FLVCR2: variants seen among roughly 807,000 people sequenced by gnomAD.
FLVCR2 encodes the protein FLVCR choline and putative heme transporter 2.
A neutral mutation model predicts 48.9 loss-of-function variants in FLVCR2; 38 were observed. The ratio of observed to expected loss-of-function variants is 0.78; its 90% confidence interval spans 0.60 to 1.02. FLVCR2 has a LOEUF of 1.02. Among genes scored for constraint, FLVCR2 ranks in the 50% least tolerant of loss-of-function variants. FLVCR2 has a pLI of 0.00. For synonymous variants in FLVCR2, 255 were observed against 257.0 expected (o/e 0.99, Z 0.07); for missense variants, 664 against 663.3 (o/e 1.00, Z -0.01).
intron 2 of FLVCR2, among the ~76,000 whole-genome samples, chr14:75,622,911 T>G (rs557506668): frequency 1.3e-5 from 2 of 152,336 alleles, no homozygotes; most frequent in African/African-American, 4.8e-5. Flanking sequence ...GACCATTAAC[T>G]TGTCATTGTA....
intron 3 of FLVCR2, among the ~76,000 whole-genome samples, chr14:75,629,362 G>A (rs1468692598): frequency 6.6e-6 from 1 of 152,034 alleles, no homozygotes; most frequent in Non-Finnish European, 1.5e-5. Context: ...GAGGTGCAGG[G>A]GTGGAGCTCG....
chr14:75,587,482 C>G (rs1267198134), intron 1 of FLVCR2, among the ~76,000 whole-genome samples: 1 of 152,144 alleles, frequency 6.6e-6, no homozygotes, highest in Non-Finnish European at 1.5e-5. Flanking sequence ...CCTCTTCTAA[C>G]CTAGCATGGT....
chr14:75,646,254 C>T, intron 9 of FLVCR2, 147 bp from the exon 10 acceptor site: 1 of 661,192 alleles, frequency 1.5e-6, no homozygotes, highest in Admixed American at 2.2e-5. Context: ...TGCTTCTTTT[C>T]TTGTTCTCTT....
intron 1 of FLVCR2, among the ~76,000 whole-genome samples, chr14:75,605,169 C>T (rs1477705384): frequency 6.6e-6 from 1 of 152,196 alleles, no homozygotes; most frequent in East Asian, 1.9e-4. Flanking sequence ...CCCCCCAAGC[C>T]TCAACATCAA....
intron 1 of FLVCR2, among the ~76,000 whole-genome samples, chr14:75,611,903 T>G (rs1414642015): frequency 6.6e-6 from 1 of 152,222 alleles, no homozygotes; most frequent in African/African-American, 2.4e-5. Context: ...ATTCACCTCC[T>G]TCCTCCTGGT....
chr14:75,645,709 G>C (rs186213394), intron 9 of FLVCR2, among the ~76,000 whole-genome samples: 1 of 152,254 alleles, frequency 6.6e-6, no homozygotes, highest in Admixed American at 6.5e-5. Flanking sequence ...CCTGAGGTCA[G>C]GAGTTCGAGA....
At chr14:75,637,170 C>T (rs1277123195) in intron 5 of FLVCR2, among the ~76,000 whole-genome samples, 2 of 152,226 alleles carry the variant, frequency 1.3e-5, no homozygotes, top group African/African-American at 4.8e-5. Context: ...GTTCACATCT[C>T]AGCTCTGCAT....
Position 75,640,084 on chromosome 14 carries a change from C to T in FLVCR2, c.1235+622C>T, listed in dbSNP as rs563246957. On this transcript the variant is annotated intron_variant, in intron 6 of 9. Transcript: ENST00000238667. ...ACCAGCCTGGCCAATATGGTGATAC[C>T]GCGTCTCTACTAAAAAATACAAAAA... Among the ~76,000 whole-genome samples, 9 of 151,990 alleles carry T rather than the reference C, an allele frequency of 5.9e-5. 1 individual carries two copies. In the South Asian group the frequency reaches 8.3e-4, roughly 14 times the overall value.
chr14:75,627,206 G>A (rs1889921077), intron 3 of FLVCR2, among the ~76,000 whole-genome samples: 1 of 151,734 alleles, frequency 6.6e-6, no homozygotes, highest in African/African-American at 2.4e-5. Context: ...CTGTACTTCT[G>A]GACACTTTTC....
At chr14:75,603,435 AG>A (rs1459628122) in intron 1 of FLVCR2, among the ~76,000 whole-genome samples, 1 of 152,214 alleles carries the variant, frequency 6.6e-6, no homozygotes, top group Admixed American at 6.5e-5. Flanking sequence ...GCCAGACCTC[AG>A]GGGTGGAATA....
At chr14:75,626,328 GA>G (rs1889900478) in intron 3 of FLVCR2, among the ~76,000 whole-genome samples, 1 of 151,750 alleles carries the variant, frequency 6.6e-6, no homozygotes, top group South Asian at 2.1e-4. Context: ...TGTAATTGCT[GA>G]TGTTCCTTCC....
chr14:75,632,600 T>G, intron 3 of FLVCR2: 1 of 702,272 alleles, frequency 1.4e-6, no homozygotes, highest in Non-Finnish European at 2.6e-6. Flanking sequence ...CTATATGAAC[T>G]GGGGTTCTAT....
chr14:75,586,010 G>A (rs1204093203), intron 1 of FLVCR2, among the ~76,000 whole-genome samples: 2 of 152,168 alleles, frequency 1.3e-5, no homozygotes, highest in African/African-American at 4.8e-5. Context: ...ACAGAGTGAG[G>A]GTGAGGACAG....
At chr14:75,606,700 C>T (rs963643882) in intron 1 of FLVCR2, among the ~76,000 whole-genome samples, 4 of 152,080 alleles carry the variant, frequency 2.6e-5, no homozygotes, top group African/African-American at 9.7e-5. Context: ...ACCTATAATC[C>T]CAGCCCTTTG....
chr14:75,609,561 G>A (rs1000122158), intron 1 of FLVCR2, among the ~76,000 whole-genome samples: 1 of 152,166 alleles, frequency 6.6e-6, no homozygotes, highest in African/African-American at 2.4e-5. Flanking sequence ...GGCTTCTTAG[G>A]AAAAAGCTAC....
At chr14:75,638,275 G>A (rs1298145275) in intron 5 of FLVCR2, among the ~76,000 whole-genome samples, 1 of 151,796 alleles carries the variant, frequency 6.6e-6, no homozygotes, top group African/African-American at 2.4e-5. Context: ...ATCTCTACTA[G>A]AAATACAAAA....
intron 1 of FLVCR2, chr14:75,596,004 T>C (rs1314756039): frequency 4.7e-6 from 7 of 1,486,960 alleles, no homozygotes; most frequent in Non-Finnish European, 5.6e-6. Context: ...GCCGGTTGTC[T>C]TGCCACCACC....
intron 1 of FLVCR2, among the ~76,000 whole-genome samples, chr14:75,588,245 G>A (rs188355507): frequency 2.6e-4 from 40 of 152,296 alleles, no homozygotes; most frequent in Admixed American, 1.4e-3. Flanking sequence ...AAGGCCAAGC[G>A]ACCAGCATCT....
rs748147031 is a variant in FLVCR2 at position 75,622,174 on chromosome 14, T to C, written c.765T>C (p.Tyr255=). 4.3e-6 allele frequency: 7 copies of C among 1,613,966 alleles called. No individual in the cohort carries two copies. The highest frequency in any genetic ancestry group is 1.6e-4 in the Middle Eastern group (1 of 6,062). The change falls in exon 2 of 10, where the codon TAT becomes TAC. Residue 255 remains tyrosine (Y), a synonymous_variant. Coordinates refer to ENST00000238667, the MANE Select transcript of FLVCR2 (RefSeq NM_017791.3). ...ELAYHISIMF[Y]IIGGVATLLL... The stretch of plus-strand genomic sequence containing the variant: ...CCTACCACATCAGCATCATGTTCTA[T>C]ATAATAGGAGGTGTGGCCACTCTCC...
Sources: allele counts gnomAD v4.1 joint callset (sites outside exome capture counted in the v4.1 genomes callset), GRCh38; gene constraint gnomAD v4.1.1; transcripts MANE v1.5; gene names NCBI Gene and HGNC (gene_info 2026-07-23, HGNC 2026-07-21).